TRA2B: variants seen among roughly 807,000 people sequenced by gnomAD.
The protein encoded by TRA2B is transformer-2 protein homolog beta.
A neutral mutation model predicts 41.7 loss-of-function variants in TRA2B; 14 were observed. The observed-to-expected ratio is 0.34, with a 90% CI of 0.22 to 0.53. TRA2B has a LOEUF of 0.53. TRA2B is among the 20% of genes least tolerant of loss of function. The pLI is 0.95. For synonymous variants in TRA2B, 130 were observed against 128.8 expected (o/e 1.01, Z -0.06); for missense variants, 167 against 396.8 (o/e 0.42, Z 4.92).
chr3:185,930,578 GAA>G (rs1744112289), intron 1 of TRA2B, among the ~76,000 whole-genome samples: 1 of 152,158 alleles, frequency 6.6e-6, no homozygotes, highest in Admixed American at 6.5e-5. Context: ...CAACTGGGTA[GAA>G]AACCGCTGGC....
In TRA2B at chr3:185,917,578, A is replaced by G; in HGVS notation, c.*137T>C. On this transcript the variant is annotated 3_prime_UTR_variant, in exon 9 of 9. Coordinates refer to ENST00000453386, the MANE Select transcript of TRA2B (RefSeq NM_004593.3). ...TGAAAACAGCATTTCAACTCCACCA[A>G]AAGTAGTCATCGTAAAAGGTGTAAA... 1 of 783,328 alleles carries G rather than the reference A, an allele frequency of 1.3e-6. No individual in the cohort carries two copies. Among genetic ancestry groups the G allele is most frequent in the East Asian group, 2.7e-5 (1 of 37,396 alleles). 48.5% of individuals were successfully genotyped at this position (783,328 alleles called of 1,614,324 possible).
chr3:185,935,814 C>G (rs894623796), intron 1 of TRA2B: 2 of 985,156 alleles, frequency 2.0e-6, no homozygotes, highest in Admixed American at 1.2e-4. Context: ...CACAAACACG[C>G]AAACACCAAA....
chr3:185,925,254 G>C (rs1247492580), intron 3 of TRA2B: 3 of 474,298 alleles, frequency 6.3e-6, no homozygotes, highest in African/African-American at 4.0e-5. Flanking sequence ...TTACACCATT[G>C]TGTCAGTATT....
At position 185,931,281 on chromosome 3, in the gene TRA2B, C is replaced by T. The variant is rs181968972; in HGVS notation, c.37-4547G>A. 4.6e-5 allele frequency among the ~76,000 whole-genome samples: 7 copies of T among 152,294 alleles called. No homozygotes were observed. The East Asian group carries it at 9.6e-4, about 21-fold the overall frequency. On this transcript the variant is annotated intron_variant, in intron 1 of 8. Coordinates refer to ENST00000453386, the MANE Select transcript of TRA2B (RefSeq NM_004593.3). ...CACCAGTTCCAACCCTGGAGGTATTCGCTCATGCCCCAGGACCAGCAACAT... is the reference window on the plus strand; with the variant it reads ...CACCAGTTCCAACCCTGGAGGTATTTGCTCATGCCCCAGGACCAGCAACAT...
At chr3:185,935,208 G>A in intron 1 of TRA2B, 2 of 985,406 alleles carry the variant, frequency 2.0e-6, no homozygotes, top group Non-Finnish European at 2.4e-6. Context: ...CAAAATGCAA[G>A]CAATTTTGGG....
intron 1 of TRA2B, among the ~76,000 whole-genome samples, chr3:185,929,976 C>A (rs1202292248): frequency 6.6e-6 from 1 of 152,142 alleles, no homozygotes; most frequent in Admixed American, 6.6e-5. Context: ...ACTGCCTGTT[C>A]TCAGGAACAG....
In TRA2B at chr3:185,925,184, A is replaced by AATACT. The variant is rs200514617; in HGVS notation, c.333+275_333+279dup. ...GAACTATATTTTGAACTAATGTACT[A>AATACT]ATACTATACTACAGTATAGTAATGC... is the stretch of plus-strand genomic sequence containing the variant. On this transcript the variant is annotated intron_variant, in intron 3 of 8. Transcript: ENST00000453386. 1,847 of 235,276 alleles carry AATACT rather than the reference A, an allele frequency of 7.9e-3. 38 individuals carry two copies. The highest frequency in any genetic ancestry group is 0.035 in the African/African-American group (1,550 of 44,110). The allele number at this position is 235,276 out of a possible 1,614,324, so 14.6% of individuals were successfully genotyped here. A position where few individuals can be genotyped will look rare whatever the true frequency, so the allele number is the denominator to read the frequency against.
At chr3:185,931,749 T>A in intron 1 of TRA2B, 1 of 1,475,420 alleles carries the variant, frequency 6.8e-7, no homozygotes. Flanking sequence ...GCATTCTTTC[T>A]TTTATTTTTT....
At position 185,916,703 on chromosome 3, in the gene TRA2B, A is replaced by G. The variant is rs529518311; in HGVS notation, c.*1012T>C. 1 of 152,636 alleles carries G rather than the reference A, an allele frequency of 6.6e-6. No individual in the cohort carries two copies. Among genetic ancestry groups the G allele is most frequent in the Non-Finnish European group, 1.5e-5 (1 of 68,044 alleles). 9.5% of individuals were successfully genotyped at this position (152,636 alleles called of 1,614,324 possible). On this transcript the variant is annotated 3_prime_UTR_variant, in exon 9 of 9. Transcript: ENST00000453386. ...TAAACTACAGAAGAACTCTAATTATAATAGAACAAGAACACTTCTTTGTGA... is the reference window on the plus strand; with the variant it reads ...TAAACTACAGAAGAACTCTAATTATGATAGAACAAGAACACTTCTTTGTGA...
Position 185,925,642 on chromosome 3 carries a change from C to A in TRA2B, c.171-16G>T. The A allele has an allele frequency of 6.2e-7, 1 of 1,604,936 alleles. No individual in the cohort carries two copies. Among genetic ancestry groups the A allele is most frequent in the Non-Finnish European group, 8.5e-7 (1 of 1,176,608 alleles). ...GGATCTAGACCTGCAAGACAAAGACCTCCTAAGGTTATGACTGAAAACAAA... is the reference window on the plus strand; with the variant it reads ...GGATCTAGACCTGCAAGACAAAGACATCCTAAGGTTATGACTGAAAACAAA... On this transcript the variant is annotated splice_polypyrimidine_tract_variant and intron_variant, in intron 2 of 8. Transcript: ENST00000453386.
At chr3:185,923,552 C>T (rs1743821771) in intron 4 of TRA2B, 1 of 326,434 alleles carries the variant, frequency 3.1e-6, no homozygotes, top group South Asian at 9.7e-5. Flanking sequence ...ACTACATATC[C>T]TGGCGGAATT....
intron 1 of TRA2B, chr3:185,937,506 T>C: frequency 1.9e-6 from 2 of 1,055,526 alleles, no homozygotes; most frequent in South Asian, 8.2e-5. Context: ...AACGCCGAAA[T>C]AAGATATCGC....
intron 4 of TRA2B, chr3:185,923,404 A>G (rs1169177236): frequency 6.4e-6 from 1 of 156,066 alleles, no homozygotes; most frequent in African/African-American, 2.4e-5. Flanking sequence ...TCTTGACTCT[A>G]TATTCTGCCT....
chr3:185,917,900 A>C (rs1743562725), intron 8 of TRA2B, among the ~76,000 whole-genome samples, 175 bp from the exon 9 acceptor site: 1 of 152,216 alleles, frequency 6.6e-6, no homozygotes, highest in African/African-American at 2.4e-5. Flanking sequence ...ATGAGATAGC[A>C]ATCTTAAATA....
intron 1 of TRA2B, chr3:185,936,992 G>A (rs1744387650): frequency 3.0e-6 from 3 of 985,206 alleles, no homozygotes; most frequent in Non-Finnish European, 3.6e-6. Context: ...TCAAAACAAA[G>A]GAAATAACGG....
rs746887896 is a variant in TRA2B, at chr3:185,925,575, GCGAGAC to G, written c.216_221del (p.Arg76_Ser77del). The G allele has an allele frequency of 6.2e-7, 1 of 1,614,194 alleles. No homozygotes were observed. The highest frequency in any genetic ancestry group is 1.3e-5 in the African/African-American group (1 of 75,056). Reference sequence around the variant, plus strand: ...TACGTGATCGTCTATGGGAGCGGGAGCGAGACCGTGACCGGGTATAATGCCTTCGGG... The same window carrying G: ...TACGTGATCGTCTATGGGAGCGGGAGCGTGACCGGGTATAATGCCTTCGGG... On this transcript the variant is annotated inframe_deletion, in exon 3 of 9. Coordinates refer to ENST00000453386, the MANE Select transcript of TRA2B (RefSeq NM_004593.3).
Position 185,915,624 on chromosome 3 carries a change from C to G in TRA2B, c.*2091G>C, listed in dbSNP as rs1743475066. ...TTTTGCCTGTTAACACTCTTTGTAG[C>G]CATGTCAAATGGCTAAAATTCTTTC... On this transcript the variant is annotated 3_prime_UTR_variant, in exon 9 of 9. Transcript: ENST00000453386. Among the ~76,000 whole-genome samples the G allele has an allele frequency of 6.6e-6, 1 of 152,152 alleles. No homozygotes were observed. Among genetic ancestry groups the G allele is most frequent in the Non-Finnish European group, 1.5e-5 (1 of 68,034 alleles).
In TRA2B at chr3:185,925,588, C is replaced by T. The variant is rs781753258; in HGVS notation, c.209G>A (p.Arg70Gln). 3.1e-6 allele frequency: 5 copies of T among 1,613,934 alleles called. No individual in the cohort carries two copies. The highest frequency in any genetic ancestry group is 3.4e-6 in the Non-Finnish European group (4 of 1,179,984). The change falls in exon 3 of 9, where the codon CGG becomes CAG. Residue 70 changes from arginine (R) to glutamine (Q), a missense_variant. Transcript: ENST00000453386. ...SRRSSRRHYTRSRSRSRSHRR... is the reference protein window; with the variant it reads ...SRRSSRRHYTQSRSRSRSHRR... ...ATGGGAGCGGGAGCGAGACCGTGAC[C>T]GGGTATAATGCCTTCGGGAGCTTCT...
intron 1 of TRA2B, chr3:185,936,556 G>C: frequency 1.0e-6 from 1 of 985,222 alleles, no homozygotes. Context: ...ATACTCTGAG[G>C]AATCATATAA....
Sources: gnomAD v4.1 joint callset for allele counts (sites outside exome capture counted in the v4.1 genomes callset) on GRCh38, gnomAD v4.1.1 for gene constraint, MANE v1.5 for transcripts, NCBI Gene and HGNC (gene_info 2026-07-23, HGNC 2026-07-21) for gene names.